Variants in KIAA1217 observed in about 807,000 individuals in gnomAD.
KIAA1217 encodes the protein KIAA1217, also known as sickle tail protein homolog.
KIAA1217 carries 88 observed loss-of-function variants against 163.9 expected under a neutral mutation model. The observed-to-expected ratio is 0.54, with a 90% CI of 0.45 to 0.64. KIAA1217 has a LOEUF of 0.64. Ranked by LOEUF, KIAA1217 falls within the 30% of genes least tolerant of loss-of-function variation. The probability of loss-of-function intolerance (pLI) is 0.00; values close to 1 mark genes in which losing one functional copy is unlikely to be tolerated. For missense variants in KIAA1217, 2,372 were observed against 2,475.0 expected (o/e 0.96, Z 0.88); for synonymous variants, 903 against 923.1 (o/e 0.98, Z 0.39).
intron 1 of KIAA1217, among the ~76,000 whole-genome samples, chr10:24,006,843 A>T (rs1847020639): frequency 6.6e-6 from 1 of 152,146 alleles, no homozygotes; most frequent in African/African-American, 2.4e-5. Flanking sequence ...AAGGGATTAG[A>T]GATGCGAGTC....
intron 2 of KIAA1217, among the ~76,000 whole-genome samples, chr10:24,075,119 T>TACACACACACAC (rs71397929): frequency 1.1e-4 from 14 of 131,562 alleles, no homozygotes; most frequent in African/African-American, 2.9e-4. Flanking sequence ...TCCCCCTAAA[T>TACACACACACAC]ACACACACAC....
chr10:24,478,867 G>A (rs1338465828), intron 6 of KIAA1217, among the ~76,000 whole-genome samples: 1 of 152,102 alleles, frequency 6.6e-6, no homozygotes, highest in Non-Finnish European at 1.5e-5. Flanking sequence ...AATACCTTTA[G>A]TGAAATAACA....
intron 2 of KIAA1217, among the ~76,000 whole-genome samples, chr10:24,056,116 C>G (rs2060522161): frequency 6.6e-6 from 1 of 152,108 alleles, no homozygotes; most frequent in South Asian, 2.1e-4. Context: ...TCTCAATCCC[C>G]TGTTGCCTAG....
chr10:24,487,475 A>C (rs2065558592), intron 6 of KIAA1217, among the ~76,000 whole-genome samples: 1 of 152,248 alleles, frequency 6.6e-6, no homozygotes, highest in Non-Finnish European at 1.5e-5. Flanking sequence ...CAGCATCCCT[A>C]GGAGTATGTG....
intron 2 of KIAA1217, among the ~76,000 whole-genome samples, chr10:24,132,744 T>G (rs2063699672): frequency 1.3e-5 from 2 of 151,102 alleles, no homozygotes; most frequent in South Asian, 4.2e-4. Context: ...CCCCCAAGAG[T>G]GAAGGTTAAG....
intron 2 of KIAA1217, among the ~76,000 whole-genome samples, chr10:24,380,151 A>G (rs1001916335): frequency 2.6e-5 from 4 of 152,182 alleles, no homozygotes; most frequent in South Asian, 2.1e-4. Context: ...GTTGTGTTCA[A>G]TTTACTCTGG....
chr10:24,204,513 T>C (rs1001850574), upstream of KIAA1217, among the ~76,000 whole-genome samples: 1 of 152,200 alleles, frequency 6.6e-6, no homozygotes, highest in Non-Finnish European at 1.5e-5. Context: ...TTTTATAGGG[T>C]CTTTGTTGGG....
At chr10:23,891,516 C>G (rs1297683981) in intron 1 of KIAA1217, among the ~76,000 whole-genome samples, 2 of 151,922 alleles carry the variant, frequency 1.3e-5, no homozygotes, top group African/African-American at 4.8e-5. Flanking sequence ...ATACCCTGAT[C>G]TTTGCCTCCT....
At chr10:23,774,296 G>A (rs1254177346) in intron 1 of KIAA1217, among the ~76,000 whole-genome samples, 1 of 152,200 alleles carries the variant, frequency 6.6e-6, no homozygotes, top group Non-Finnish European at 1.5e-5. Context: ...CGAAAGAGGT[G>A]AAAGGACCAT....
At chr10:24,002,115 C>T (rs1036995895) in intron 1 of KIAA1217, among the ~76,000 whole-genome samples, 10 of 152,244 alleles carry the variant, frequency 6.6e-5, no homozygotes, top group South Asian at 6.2e-4. Flanking sequence ...AACAATCTCA[C>T]GGGGCTCTCA....
Position 24,438,549 on chromosome 10 carries a change from T to C in KIAA1217, c.846+70T>C, listed in dbSNP as rs529803656. ...GCGTCCCTCCTCTTGCTTGTACTCC[T>C]GATGTAATCAGAACTCTACAACTGA... On this transcript the variant is annotated intron_variant, in intron 5 of 20. Transcript: ENST00000376454. The C allele has an allele frequency of 2.2e-5, 22 of 1,019,330 alleles. No homozygotes were observed. In the African/African-American group the frequency reaches 3.1e-4, roughly 15 times the overall value. 63.1% of individuals were successfully genotyped at this position (1,019,330 alleles called of 1,614,324 possible). A position where few individuals can be genotyped will look rare whatever the true frequency, so the allele number is the denominator to read the frequency against.
At chr10:24,147,476 G>T (rs574096542) in intron 2 of KIAA1217, among the ~76,000 whole-genome samples, 108 of 152,234 alleles carry the variant, frequency 7.1e-4, no homozygotes, top group Non-Finnish European at 1.1e-3. Flanking sequence ...CAACAGATGT[G>T]CTATGTCTAA....
At chr10:23,921,052 CTTT>C (rs1477580762) in intron 1 of KIAA1217, among the ~76,000 whole-genome samples, 1 of 152,146 alleles carries the variant, frequency 6.6e-6, no homozygotes, top group East Asian at 1.9e-4. Flanking sequence ...CATTATACCT[CTTT>C]TTCTTTATAA....
intron 16 of KIAA1217, among the ~76,000 whole-genome samples, chr10:24,534,784 GAC>G: frequency 6.7e-6 from 1 of 149,018 alleles, no homozygotes; most frequent in South Asian, 2.1e-4. Context: ...GGGAGGCTGA[GAC>G]AGGAAAATCA....
At chr10:24,345,267 T>A (rs2047586079) in intron 2 of KIAA1217, among the ~76,000 whole-genome samples, 1 of 152,218 alleles carries the variant, frequency 6.6e-6, no homozygotes. Context: ...GGGACAGCTG[T>A]AGTGCTTGGC....
At chr10:23,855,313 T>C (rs1457228884) in intron 1 of KIAA1217, among the ~76,000 whole-genome samples, 1 of 152,192 alleles carries the variant, frequency 6.6e-6, no homozygotes, top group Non-Finnish European at 1.5e-5. Context: ...GGTTGAAAAT[T>C]CTTTTCTTTA....
At chr10:23,969,027 GT>G (rs1005008294) in intron 1 of KIAA1217, among the ~76,000 whole-genome samples, 15 of 151,878 alleles carry the variant, frequency 9.9e-5, no homozygotes, top group East Asian at 7.8e-4. Flanking sequence ...GAAGCTCTAT[GT>G]TTTTTTTGTT....
At chr10:23,883,544 C>T (rs1183748925) in intron 1 of KIAA1217, among the ~76,000 whole-genome samples, 2 of 151,862 alleles carry the variant, frequency 1.3e-5, no homozygotes, top group Non-Finnish European at 2.9e-5. Flanking sequence ...CACCCCTGTC[C>T]TGACACATGC....
At chr10:24,302,662 T>C (rs932114734) in intron 2 of KIAA1217, among the ~76,000 whole-genome samples, 1 of 151,926 alleles carries the variant, frequency 6.6e-6, no homozygotes, top group Non-Finnish European at 1.5e-5. Flanking sequence ...AACCAATAGA[T>C]GGCATGCAGT....
Sources: gnomAD v4.1 joint callset for allele counts (sites outside exome capture counted in the v4.1 genomes callset) on GRCh38, gnomAD v4.1.1 for gene constraint, MANE v1.5 for transcripts, NCBI Gene and HGNC (gene_info 2026-07-23, HGNC 2026-07-21) for gene names.